Variants in MAML2 observed in about 807,000 individuals in gnomAD.
The protein encoded by MAML2 is mastermind-like protein 2.
MAML2 carries 22 observed loss-of-function variants against 96.1 expected under a neutral mutation model. The ratio of observed to expected loss-of-function variants is 0.23; its 90% confidence interval spans 0.16 to 0.33. The LOEUF (loss-of-function observed/expected upper bound fraction) is 0.33, where lower values mean the gene tolerates loss of function less well. Among genes scored for constraint, MAML2 ranks in the 10% least tolerant of loss-of-function variants. MAML2 has a pLI of 1.00. For synonymous variants in MAML2, 561 were observed against 521.3 expected (o/e 1.08, Z -1.04); for missense variants, 1,367 against 1,392.4 (o/e 0.98, Z 0.29).
chr11:96,227,208 T>C (rs1194347721), intron 1 of MAML2, among the ~76,000 whole-genome samples: 1 of 152,216 alleles, frequency 6.6e-6, no homozygotes, highest in African/African-American at 2.4e-5. Context: ...TAAAATTATA[T>C]CAAGTTTTCT....
intron 1 of MAML2, among the ~76,000 whole-genome samples, chr11:96,303,563 TA>T (rs958832700): frequency 1.2e-4 from 18 of 152,230 alleles, no homozygotes; most frequent in South Asian, 2.1e-4. Flanking sequence ...ATAAATTTTT[TA>T]TAATAAAAGA....
chr11:96,002,023 A>AT (rs950216095), intron 2 of MAML2, among the ~76,000 whole-genome samples: 1 of 151,734 alleles, frequency 6.6e-6, no homozygotes, highest in African/African-American at 2.4e-5. Context: ...CTCAGATGTA[A>AT]TTTTTTTTCA....
chr11:96,188,405 T>C (rs1377539381), intron 1 of MAML2, among the ~76,000 whole-genome samples: 1 of 152,158 alleles, frequency 6.6e-6, no homozygotes, highest in Non-Finnish European at 1.5e-5. Flanking sequence ...ATCCTTCCCT[T>C]CCCTGGGGCT....
At chr11:96,079,408 T>C (rs892611513) in intron 2 of MAML2, among the ~76,000 whole-genome samples, 2 of 152,204 alleles carry the variant, frequency 1.3e-5, no homozygotes, top group African/African-American at 2.4e-5. Context: ...AAGGATTGTG[T>C]ATTTAAGCTT....
intron 2 of MAML2, among the ~76,000 whole-genome samples, chr11:95,997,496 T>G (rs1319334896): frequency 6.6e-6 from 1 of 152,178 alleles, no homozygotes; most frequent in Non-Finnish European, 1.5e-5. Flanking sequence ...TCTTTAGAAT[T>G]ATTAAGTTCA....
At chr11:96,095,033 TTA>T (rs1277572296) in intron 1 of MAML2, among the ~76,000 whole-genome samples, 3 of 152,204 alleles carry the variant, frequency 2.0e-5, no homozygotes, top group Admixed American at 6.5e-5. Context: ...TACCCTTAAT[TTA>T]TAAATAAGGA....
intron 1 of MAML2, among the ~76,000 whole-genome samples, chr11:96,295,865 C>T (rs529668433): frequency 6.1e-5 from 9 of 148,034 alleles, no homozygotes; most frequent in African/African-American, 1.8e-4. Context: ...GCTTCATACA[C>T]CCTAAAACTG....
At chr11:96,189,214 T>A (rs562631838) in intron 1 of MAML2, among the ~76,000 whole-genome samples, 2 of 152,292 alleles carry the variant, frequency 1.3e-5, no homozygotes, top group African/African-American at 2.4e-5. Context: ...GTAATGCATA[T>A]AAAATGGATT....
chr11:96,323,942 G>A (rs1863742033), intron 1 of MAML2, among the ~76,000 whole-genome samples: 1 of 152,220 alleles, frequency 6.6e-6, no homozygotes, highest in African/African-American at 2.4e-5. Context: ...CTACCTCTTA[G>A]AAAAGAGACG....
chr11:96,257,956 A>G (rs76828786), intron 1 of MAML2, among the ~76,000 whole-genome samples: 8,513 of 152,118 alleles, frequency 0.056, 376 homozygotes, highest in African/African-American at 0.12. Flanking sequence ...CTCTGATAAA[A>G]TGCCTACAGA....
intron 1 of MAML2, among the ~76,000 whole-genome samples, chr11:96,152,005 T>C (rs1014299408): frequency 1.3e-5 from 2 of 152,206 alleles, no homozygotes; most frequent in Non-Finnish European, 2.9e-5. Context: ...CTGCTTGCAC[T>C]TGAGGCTAGG....
In MAML2 at chr11:96,010,605, C is replaced by T. The variant is rs773679099; in HGVS notation, c.2140-18882G>A. On this transcript the variant is annotated intron_variant, in intron 2 of 4. Coordinates refer to ENST00000524717, the MANE Select transcript of MAML2 (RefSeq NM_032427.4). ...AATGTAGATGAGTTAAGAATAGTGG[C>T]GAATGAAAAAAGAGAGAACAATAGA... is the stretch of plus-strand genomic sequence containing the variant. Among the ~76,000 whole-genome samples the T allele has an allele frequency of 4.0e-5, 6 of 151,562 alleles. No homozygotes were observed. The East Asian group carries it at 9.7e-4, about 24-fold the overall frequency.
At chr11:96,189,761 TGTGGG>T (rs1200813444) in intron 1 of MAML2, among the ~76,000 whole-genome samples, 1 of 152,242 alleles carries the variant, frequency 6.6e-6, no homozygotes, top group Non-Finnish European at 1.5e-5. Context: ...CAGGAACATC[TGTGGG>T]AAGCTAATTC....
chr11:96,279,308 T>C (rs541737347), intron 1 of MAML2, among the ~76,000 whole-genome samples: 1 of 152,308 alleles, frequency 6.6e-6, no homozygotes, highest in East Asian at 1.9e-4. Flanking sequence ...AAGCTGATGA[T>C]GAATAATATT....
chr11:96,236,712 T>G (rs903029761), intron 1 of MAML2, among the ~76,000 whole-genome samples: 1 of 152,206 alleles, frequency 6.6e-6, no homozygotes, highest in Non-Finnish European at 1.5e-5. Context: ...TATAACATTG[T>G]TATATGTCAT....
At chr11:96,131,712 C>T (rs960142963) in intron 1 of MAML2, among the ~76,000 whole-genome samples, 1 of 152,072 alleles carries the variant, frequency 6.6e-6, no homozygotes, top group African/African-American at 2.4e-5. Context: ...GTGATGGTTG[C>T]ACAACTTTAA....
chr11:96,083,806 A>G (rs1859564242), intron 2 of MAML2, among the ~76,000 whole-genome samples: 1 of 152,204 alleles, frequency 6.6e-6, no homozygotes, highest in South Asian at 2.1e-4. Flanking sequence ...GTATTCAACT[A>G]GCTTGCAGTG....
At chr11:96,247,911 C>A (rs1315784887) in intron 1 of MAML2, among the ~76,000 whole-genome samples, 1 of 152,052 alleles carries the variant, frequency 6.6e-6, no homozygotes, top group African/African-American at 2.4e-5. Flanking sequence ...GTATACCCAC[C>A]TTCACCAATA....
At chr11:96,003,033 TGAG>T (rs1225760820) in intron 2 of MAML2, among the ~76,000 whole-genome samples, 10 of 146,042 alleles carry the variant, frequency 6.8e-5, no homozygotes, top group African/African-American at 2.6e-4. Flanking sequence ...ATGATGGGGA[TGAG>T]GAGGATGATG....
Sources: allele counts gnomAD v4.1 joint callset (sites outside exome capture counted in the v4.1 genomes callset), GRCh38; gene constraint gnomAD v4.1.1; transcripts MANE v1.5; gene names NCBI Gene and HGNC (gene_info 2026-07-23, HGNC 2026-07-21).